EXOC6: variants seen among roughly 807,000 people sequenced by gnomAD.
EXOC6 encodes exocyst complex component 6.
In EXOC6, 60 loss-of-function variants were observed where a neutral mutation model predicts 112.5. That is an observed-to-expected ratio of 0.53 (90% CI 0.43 to 0.66). The LOEUF (loss-of-function observed/expected upper bound fraction) is 0.66. Among genes scored for constraint, EXOC6 ranks in the 30% least tolerant of loss-of-function variants. The probability of loss-of-function intolerance (pLI) is 0.00; values close to 1 mark genes in which losing one functional copy is unlikely to be tolerated. For synonymous variants in EXOC6, 295 were observed against 308.0 expected (o/e 0.96, Z 0.44); for missense variants, 855 against 957.1 (o/e 0.89, Z 1.41).
intron 17 of EXOC6, among the ~76,000 whole-genome samples, chr10:92,963,156 G>T (rs552906502): frequency 6.6e-6 from 1 of 152,194 alleles, no homozygotes; most frequent in African/African-American, 2.4e-5. Flanking sequence ...TTCATCTTAT[G>T]TTAATAAGGA....
At chr10:93,048,779 A>G (rs1846132253) in intron 20 of EXOC6, among the ~76,000 whole-genome samples, 1 of 146,174 alleles carries the variant, frequency 6.8e-6, no homozygotes, top group African/African-American at 2.5e-5. Flanking sequence ...AAAAGAATTT[A>G]TTAACATCTT....
intron 6 of EXOC6, 149 bp downstream of exon 6, chr10:92,909,780 A>C: frequency 1.7e-6 from 1 of 587,420 alleles, no homozygotes; most frequent in East Asian, 2.9e-5. Context: ...AAAGGATTCT[A>C]TCAGTGTTTT....
intron 1 of EXOC6, among the ~76,000 whole-genome samples, chr10:92,864,297 C>T (rs1848062673): frequency 2.0e-5 from 3 of 152,200 alleles, no homozygotes; most frequent in African/African-American, 7.2e-5. Flanking sequence ...TAACATATTT[C>T]ATAACTGGTT....
rs539410237 is a variant in EXOC6 at position 92,840,846 on chromosome 10, C to T, written c.86+6022C>T. ...CTAGTTTTTGTATTTTTTGTAGAGA[C>T]GAGGTTTCGCCATGTTGTCCAGGCT... is the stretch of plus-strand genomic sequence containing the variant. On this transcript the variant is annotated intron_variant, in intron 1 of 21. Transcript: ENST00000371552. 1.2e-4 allele frequency among the ~76,000 whole-genome samples: 18 copies of T among 151,766 alleles called. No homozygotes were observed. In the South Asian group the frequency reaches 3.5e-3, roughly 30 times the overall value.
At chr10:93,041,792 A>T (rs1017251439) in intron 20 of EXOC6, among the ~76,000 whole-genome samples, 1 of 151,520 alleles carries the variant, frequency 6.6e-6, no homozygotes, top group Admixed American at 6.6e-5. Context: ...GCCCACTGCA[A>T]CCTCCACCTC....
chr10:93,048,315 G>A (rs1846104427), intron 20 of EXOC6, among the ~76,000 whole-genome samples: 1 of 151,678 alleles, frequency 6.6e-6, no homozygotes, highest in African/African-American at 2.4e-5. Flanking sequence ...ATCTACTTGA[G>A]GAAATTATAT....
In EXOC6 at chr10:92,910,182, A is replaced by G. The variant is rs1850662631; in HGVS notation, c.663+551A>G. Among the ~76,000 whole-genome samples the G allele has an allele frequency of 2.0e-5, 3 of 152,244 alleles. No homozygotes were observed. In the South Asian group the frequency reaches 6.2e-4, roughly 31 times the overall value. On this transcript the variant is annotated intron_variant, in intron 6 of 21. Coordinates refer to ENST00000260762, the MANE Select transcript of EXOC6 (RefSeq NM_019053.6). Reference sequence around the variant, plus strand: ...AAAAACATGGGCTCACGATAGTCATAGCATCTTTGTTCACAGTTAGCCCCA... The same window carrying G: ...AAAAACATGGGCTCACGATAGTCATGGCATCTTTGTTCACAGTTAGCCCCA...
intron 19 of EXOC6, among the ~76,000 whole-genome samples, chr10:93,001,122 A>G (rs1843737572): frequency 6.6e-6 from 1 of 152,218 alleles, no homozygotes; most frequent in African/African-American, 2.4e-5. Flanking sequence ...CTGGCTAGGT[A>G]GTAGAAAGGC....
chr10:92,997,016 T>G (rs1384095921), intron 18 of EXOC6, among the ~76,000 whole-genome samples: 4 of 152,198 alleles, frequency 2.6e-5, no homozygotes, highest in Admixed American at 1.3e-4. Flanking sequence ...GTAATTTAAA[T>G]AGCAATAATA....
At chr10:92,839,858 T>G (rs1589674098) in intron 1 of EXOC6, among the ~76,000 whole-genome samples, 1 of 147,440 alleles carries the variant, frequency 6.8e-6, no homozygotes, top group African/African-American at 2.5e-5. Context: ...GGGGCGGGGG[T>G]GGATGTCTAA....
At chr10:92,896,141 G>GTATATATA (rs1157417259) in intron 4 of EXOC6, among the ~76,000 whole-genome samples, 1 of 33,668 alleles carries the variant, frequency 3.0e-5, no homozygotes, top group African/African-American at 1.4e-4. Flanking sequence ...GTGTGTGTAT[G>GTATATATA]TATGTGTATA....
At chr10:92,944,191 A>C (rs1034419714) in intron 13 of EXOC6, among the ~76,000 whole-genome samples, 3 of 151,966 alleles carry the variant, frequency 2.0e-5, no homozygotes, top group African/African-American at 7.2e-5. Flanking sequence ...TGCAGTGAAC[A>C]TGGGAATGCA....
chr10:92,932,461 AAACTT>A (rs1400417753), intron 9 of EXOC6, among the ~76,000 whole-genome samples: 1 of 152,204 alleles, frequency 6.6e-6, no homozygotes, highest in African/African-American at 2.4e-5. Flanking sequence ...GTACCTCAAT[AAACTT>A]AACTTTAGAA....
At position 93,000,191 on chromosome 10, in the gene EXOC6, G is replaced by A. The variant is rs551868318; in HGVS notation, c.2095+2576G>A. ...TAGTATGGCTTCAAAATAACTAAAC[G>A]ATTAAACTACCTTTTTGGCATTTGA... On this transcript the variant is annotated intron_variant, in intron 19 of 21. Coordinates refer to ENST00000260762, the MANE Select transcript of EXOC6 (RefSeq NM_019053.6). 2.6e-5 allele frequency among the ~76,000 whole-genome samples: 4 copies of A among 152,222 alleles called. No individual in the cohort carries two copies. The South Asian group carries it at 6.2e-4, about 24-fold the overall frequency.
chr10:92,851,308 A>G (rs1847320224), intron 1 of EXOC6, among the ~76,000 whole-genome samples: 1 of 152,188 alleles, frequency 6.6e-6, no homozygotes, highest in Non-Finnish European at 1.5e-5. Context: ...AGGAGACTGT[A>G]AAATTGATAA....
chr10:92,937,747 A>G (rs182631420), intron 12 of EXOC6, among the ~76,000 whole-genome samples: 2 of 152,264 alleles, frequency 1.3e-5, no homozygotes, highest in Non-Finnish European at 2.9e-5. Context: ...GTAGCTTGAG[A>G]TATTAGGTTA....
chr10:93,032,441 C>G (rs1242043909), intron 20 of EXOC6, among the ~76,000 whole-genome samples: 1 of 152,084 alleles, frequency 6.6e-6, no homozygotes, highest in Non-Finnish European at 1.5e-5. Flanking sequence ...GAGGTTCAAG[C>G]AGAATTTTGT....
At chr10:92,948,592 A>G (rs1853194078) in intron 14 of EXOC6, among the ~76,000 whole-genome samples, 1 of 149,786 alleles carries the variant, frequency 6.7e-6, no homozygotes, top group Non-Finnish European at 1.5e-5. Context: ...TACTACTACT[A>G]CTACTACTAC....
At chr10:92,890,113 CTTTA>C (rs956669188) in intron 1 of EXOC6, among the ~76,000 whole-genome samples, 7 of 152,016 alleles carry the variant, frequency 4.6e-5, no homozygotes, top group African/African-American at 9.7e-5. Context: ...TGGAATAGTT[CTTTA>C]TTTATTTAGT....
Sources: allele counts gnomAD v4.1 joint callset (sites outside exome capture counted in the v4.1 genomes callset), GRCh38; gene constraint gnomAD v4.1.1; transcripts MANE v1.5; gene names NCBI Gene and HGNC (gene_info 2026-07-23, HGNC 2026-07-21).